TMCO1: variants seen among roughly 807,000 people sequenced by gnomAD.
TMCO1 encodes transmembrane and coiled-coil domains 1.
In TMCO1, 29 loss-of-function variants were observed where a neutral mutation model predicts 29.3. The ratio of observed to expected loss-of-function variants is 0.99; its 90% CI spans 0.74 to 1.35. The LOEUF (loss-of-function observed/expected upper bound fraction) is 1.35, where lower values mean the gene tolerates loss of function less well. Ranked by LOEUF, TMCO1 falls within the 40% of genes most tolerant of loss-of-function variation. The pLI is 0.00. For synonymous variants in TMCO1, 80 were observed against 77.1 expected (o/e 1.04, Z -0.20); for missense variants, 173 against 225.5 (o/e 0.77, Z 1.49).
At chr1:165,743,461 C>A (rs2101798924) in intron 5 of TMCO1, 150 bp from the exon 6 acceptor site, 1 of 759,648 alleles carries the variant, frequency 1.3e-6, no homozygotes, top group Middle Eastern at 3.8e-4. Flanking sequence ...TACACATGAA[C>A]CTGATGTACG....
At chr1:165,725,404 C>A (rs1010992124), downstream of TMCO1, 2 of 453,958 alleles carry the variant, frequency 4.4e-6, no homozygotes, top group African/African-American at 2.0e-5. Flanking sequence ...TATCTACACA[C>A]ATTTGCTTTC....
rs577576640 is a variant in TMCO1, at chr1:165,727,717, T to A, written c.*306A>T. 23 of 455,526 alleles carry A rather than the reference T, an allele frequency of 5.0e-5. No individual in the cohort carries two copies. The Middle Eastern group carries it at 4.1e-3, about 82-fold the overall frequency. The allele number at this position is 455,526 out of a possible 1,614,324, so 28.2% of individuals were successfully genotyped here. A position where few individuals can be genotyped will look rare whatever the true frequency, so the allele number is the denominator to read the frequency against. On this transcript the variant is annotated 3_prime_UTR_variant, in exon 7 of 7. Coordinates refer to ENST00000367881, the MANE Select transcript of TMCO1 (RefSeq NM_019026.6). ...CAGGGCATACACAGTGCCTTGAGAG[T>A]CGGTCCCACAGAAAATACTTATGTA...
chr1:165,727,784 C>T lies in TMCO1; in HGVS notation c.*239G>A. ...TGCTATTTGTTTTTCATTACATAAA[C>T]ATTACCTGAACTTAACTAATCAATC... On this transcript the variant is annotated 3_prime_UTR_variant, in exon 7 of 7. Coordinates refer to ENST00000367881, the MANE Select transcript of TMCO1 (RefSeq NM_019026.6). The T allele has an allele frequency of 2.1e-6, 1 of 480,248 alleles. No individual in the cohort carries two copies. The highest frequency in any genetic ancestry group is 1.6e-5 in the South Asian group (1 of 64,502). The allele number at this position is 480,248 out of a possible 1,614,324, so 29.7% of individuals were successfully genotyped here. A position where few individuals can be genotyped will look rare whatever the true frequency, so the allele number is the denominator to read the frequency against.
rs1652677608 is a variant in TMCO1 at position 165,768,725 on chromosome 1, G to A, written c.27C>T (p.Leu9=). 3 of 1,614,100 alleles carry A rather than the reference G, an allele frequency of 1.9e-6. No individual in the cohort carries two copies. Among genetic ancestry groups the A allele is most frequent in the South Asian group, 1.1e-5 (1 of 91,076 alleles). Residue 9 remains leucine (L), a synonymous_variant, in exon 1 of 7, where the codon CTC becomes CTT. Transcript: ENST00000367881. ...TGCACACAGAGATAAAAACGATGAG[G>A]AGAGTGTCCGCGAACATAGTGCTCA... is the stretch of plus-strand genomic sequence containing the variant. MSTMFADT[L]LIVFISVCTA...
chr1:165,724,978 TTCTCTCTTTCTCTCTCTCTCTC>T (rs1358263683), downstream of TMCO1: 8 of 409,756 alleles, frequency 2.0e-5, no homozygotes, highest in African/African-American at 1.4e-4. Flanking sequence ...GTGTTCTTTA[TTCTCTCTTTCTCTCTCTCTCTC>T]TCTCTCTCTC....
At chr1:165,742,100 A>C (rs1368241892) in intron 6 of TMCO1, among the ~76,000 whole-genome samples, 1 of 152,230 alleles carries the variant, frequency 6.6e-6, no homozygotes, top group African/African-American at 2.4e-5. Flanking sequence ...AGGAGGGGAG[A>C]AAAAGAGAAT....
In TMCO1 at chr1:165,768,679, C is replaced by T. The variant is rs752648250; in HGVS notation, c.70+3G>A. 1 of 1,614,156 alleles carries T rather than the reference C, an allele frequency of 6.2e-7. No individual in the cohort carries two copies. Among genetic ancestry groups the T allele is most frequent in the Non-Finnish European group, 8.5e-7 (1 of 1,180,024 alleles). ...CAAACGTCTGAGAAATACCCGCTCTCACCCTCTGCGAGCAGAGCCGTGCAC... is the reference window on the plus strand; with the variant it reads ...CAAACGTCTGAGAAATACCCGCTCTTACCCTCTGCGAGCAGAGCCGTGCAC... On this transcript the variant is annotated splice_donor_region_variant and intron_variant, in intron 1 of 6. Coordinates refer to ENST00000367881, the MANE Select transcript of TMCO1 (RefSeq NM_019026.6).
Position 165,728,070 on chromosome 1 carries a change from C to A in TMCO1, c.520G>T (p.Ala174Ser). 6.2e-7 allele frequency: 1 copy of A among 1,609,314 alleles called. No homozygotes were observed. Among genetic ancestry groups the A allele is most frequent in the Non-Finnish European group, 8.5e-7 (1 of 1,176,912 alleles). Residue 174 changes from alanine (A) to serine (S), a missense_variant, in exon 7 of 7, where the codon GCA (alanine) becomes TCA (serine). Ala to Ser is a moderately conservative substitution (Grantham distance 99). Coordinates refer to ENST00000367881, the MANE Select transcript of TMCO1 (RefSeq NM_019026.6). ...LAPSRAATKQ[A>S]GGFLGPPPPS... ...GGTGGTGGGCCAAGAAATCCACCTG[C>A]CTGCTTGGTGGCGGCTCGTGAAGGG... is the stretch of plus-strand genomic sequence containing the variant.
At chr1:165,749,360 A>C (rs1651915241) in intron 5 of TMCO1, among the ~76,000 whole-genome samples, 1 of 152,234 alleles carries the variant, frequency 6.6e-6, no homozygotes, top group African/African-American at 2.4e-5. Flanking sequence ...AGTTTTGGGA[A>C]GCTACTGATA....
At chr1:165,731,918 G>A (rs1363630701) in intron 6 of TMCO1, among the ~76,000 whole-genome samples, 4 of 152,308 alleles carry the variant, frequency 2.6e-5, no homozygotes, top group Middle Eastern at 3.4e-3. Context: ...ACAGGTATTT[G>A]TATTTTAACA....
At position 165,736,886 on chromosome 1, in the gene TMCO1, C is replaced by T. The variant is rs189370445; in HGVS notation, c.468+6281G>A. 7.2e-4 allele frequency among the ~76,000 whole-genome samples: 109 copies of T among 152,296 alleles called. 1 individual carries two copies. The highest frequency in any genetic ancestry group is 6.9e-3 in the Admixed American group (106 of 15,302). On this transcript the variant is annotated intron_variant, in intron 6 of 6. Coordinates refer to ENST00000367881, the MANE Select transcript of TMCO1 (RefSeq NM_019026.6). ...GCGCGATCACAGCTTACCACAAACC[C>T]GATCTCCAGGGCTAAAGCAATCCTC...
At chr1:165,754,122 C>G in intron 4 of TMCO1, 106 bp downstream of exon 4, 3 of 904,944 alleles carry the variant, frequency 3.3e-6, no homozygotes, top group Non-Finnish European at 5.5e-6. Context: ...ATAGCCTTCA[C>G]AGGTGATAAA....
intron 6 of TMCO1, among the ~76,000 whole-genome samples, chr1:165,730,988 C>T (rs1395888829): frequency 1.3e-5 from 2 of 151,932 alleles, no homozygotes; most frequent in Middle Eastern, 3.2e-3. Flanking sequence ...CAACCTCCGC[C>T]TCCCAGGTTC....
At chr1:165,742,334 C>T (rs1407433353) in intron 6 of TMCO1, among the ~76,000 whole-genome samples, 1 of 151,858 alleles carries the variant, frequency 6.6e-6, no homozygotes, top group African/African-American at 2.4e-5. Flanking sequence ...GTAATCAAGT[C>T]TCACTTCAAG....
intron 3 of TMCO1, chr1:165,754,767 G>A (rs1652132590): frequency 1.9e-5 from 3 of 161,328 alleles, no homozygotes; most frequent in Admixed American, 6.1e-5. Flanking sequence ...GCTGAGGTGA[G>A]AAGATCACTT....
chr1:165,740,325 C>T (rs544840733), intron 6 of TMCO1, among the ~76,000 whole-genome samples: 28 of 151,890 alleles, frequency 1.8e-4, no homozygotes, highest in South Asian at 2.1e-4. Flanking sequence ...CTCAGTCGCC[C>T]GAGTAGCTGG....
chr1:165,726,197 C>A, downstream of TMCO1: 2 of 698,880 alleles, frequency 2.9e-6, no homozygotes, highest in South Asian at 3.0e-5. Context: ...TTAGAGTGGT[C>A]AATGATATGG....
At chr1:165,767,968 G>A (rs1652637625) in intron 2 of TMCO1, among the ~76,000 whole-genome samples, 1 of 152,150 alleles carries the variant, frequency 6.6e-6, no homozygotes, top group Non-Finnish European at 1.5e-5. Flanking sequence ...GCGCCAGATT[G>A]AACCTCTTCT....
Position 165,743,147 on chromosome 1 carries a change from T to A in TMCO1, c.468+20A>T. On this transcript the variant is annotated intron_variant, in intron 6 of 6. Coordinates refer to ENST00000367881, the MANE Select transcript of TMCO1 (RefSeq NM_019026.6). The stretch of plus-strand genomic sequence containing the variant: ...AGCAAGGAAAAATATACATATTAAA[T>A]GGTAGATGTGATCACTCACCTGTCG... 1.2e-6 allele frequency: 2 copies of A among 1,613,598 alleles called. No individual in the cohort carries two copies. Among genetic ancestry groups the A allele is most frequent in the Non-Finnish European group, 8.5e-7 (1 of 1,179,614 alleles).
Sources: allele counts gnomAD v4.1 joint callset (sites outside exome capture counted in the v4.1 genomes callset), GRCh38; gene constraint gnomAD v4.1.1; transcripts MANE v1.5; gene names NCBI Gene and HGNC (gene_info 2026-07-23, HGNC 2026-07-21).